DGLUCY: variants seen among roughly 807,000 people sequenced by gnomAD.
The protein encoded by DGLUCY is D-glutamate cyclase, also known as D-glutamate cyclase, mitochondrial.
Under a neutral mutation model 58.5 loss-of-function variants are expected in DGLUCY, and 58 were observed. The observed-to-expected ratio is 0.99, with a 90% CI of 0.80 to 1.23. The LOEUF (loss-of-function observed/expected upper bound fraction) is 1.23. Ranked by LOEUF, DGLUCY falls within the 50% of genes most tolerant of loss-of-function variation. DGLUCY has a pLI of 0.00. For missense variants in DGLUCY, 779 were observed against 784.7 expected (o/e 0.99, Z 0.09); for synonymous variants, 325 against 314.1 (o/e 1.03, Z -0.37).
At chr14:91,208,816 T>C (rs1885188846) in intron 12 of DGLUCY, among the ~76,000 whole-genome samples, 1 of 152,190 alleles carries the variant, frequency 6.6e-6, no homozygotes, top group Non-Finnish European at 1.5e-5. Flanking sequence ...GAATTAGCAA[T>C]GTTTTGTTAT....
intron 1 of DGLUCY, among the ~76,000 whole-genome samples, chr14:91,117,646 T>TACACACACAC (rs765720920): frequency 4.7e-5 from 7 of 149,560 alleles, no homozygotes; most frequent in South Asian, 4.2e-4. Context: ...TTTGTTCACA[T>TACACACACAC]ACACACACAC....
intron 1 of DGLUCY, among the ~76,000 whole-genome samples, chr14:91,081,399 C>T (rs989376698): frequency 3.3e-5 from 5 of 152,310 alleles, no homozygotes; most frequent in African/African-American, 7.2e-5. Flanking sequence ...GATTCATAGA[C>T]GGGAACAAAC....
intron 1 of DGLUCY, among the ~76,000 whole-genome samples, chr14:91,150,024 G>T (rs1474665276): frequency 6.6e-6 from 1 of 151,944 alleles, no homozygotes; most frequent in Non-Finnish European, 1.5e-5. Flanking sequence ...TTTGAGACCA[G>T]CCTGGCCAAT....
chr14:91,143,788 A>G (rs567275186), intron 1 of DGLUCY, among the ~76,000 whole-genome samples: 2 of 152,202 alleles, frequency 1.3e-5, no homozygotes. Context: ...TGTGCTGGGT[A>G]TTTGACTAAC....
chr14:91,222,320 C>T (rs930548680), intron 13 of DGLUCY, among the ~76,000 whole-genome samples: 6 of 152,208 alleles, frequency 3.9e-5, no homozygotes, highest in Non-Finnish European at 7.3e-5. Flanking sequence ...CTGAGGACCC[C>T]ACAGCCCTTC....
At position 91,189,125 on chromosome 14, in the gene DGLUCY, G is replaced by A. The variant is rs34196107; in HGVS notation, c.1150G>A (p.Ala384Thr). The change falls in exon 9 of 14, where the codon GCC becomes ACC. Residue 384 changes from alanine (A) to threonine (T), a missense_variant. Ala to Thr is a moderately conservative substitution (Grantham distance 58). Coordinates refer to ENST00000256324, the MANE Select transcript of DGLUCY (RefSeq NM_001102368.3). ...KEVAIIVDQR[A>T]WNLHQKIVED... ...GGTCGCCATAATCGTTGACCAGAGAGCCTGGAACTTGCACCAGAAGATTGT... is the reference window on the plus strand; with the variant it reads ...GGTCGCCATAATCGTTGACCAGAGAACCTGGAACTTGCACCAGAAGATTGT... The A allele has an allele frequency of 1.6e-4, 254 of 1,614,066 alleles. 2 individuals are homozygous for A. Among genetic ancestry groups the A allele is most frequent in the Middle Eastern group, 4.9e-4 (3 of 6,084 alleles).
intron 8 of DGLUCY, among the ~76,000 whole-genome samples, chr14:91,185,189 G>A (rs953645105): frequency 3.3e-5 from 5 of 150,070 alleles, no homozygotes; most frequent in African/African-American, 4.9e-5. Flanking sequence ...GGCTTGTCTC[G>A]AACTCCTGGC....
At chr14:91,096,259 C>G (rs562606850) in intron 1 of DGLUCY, among the ~76,000 whole-genome samples, 2 of 152,212 alleles carry the variant, frequency 1.3e-5, no homozygotes, top group African/African-American at 4.8e-5. Flanking sequence ...ACTAAAAATA[C>G]AAAAATTAGC....
chr14:91,188,161 C>G (rs1047738670), intron 8 of DGLUCY, among the ~76,000 whole-genome samples: 1 of 152,176 alleles, frequency 6.6e-6, no homozygotes, highest in African/African-American at 2.4e-5. Context: ...CTGCTCCACT[C>G]AGTCACTCAG....
At chr14:91,060,464 G>C in exon 1 of DGLUCY, 1 of 1,399,118 alleles carries the variant, frequency 7.1e-7, no homozygotes, top group Non-Finnish European at 9.4e-7. Context: ...CCCGCGGGTC[G>C]CTACGAGGGG....
intron 12 of DGLUCY, among the ~76,000 whole-genome samples, chr14:91,208,249 C>G (rs1885083582): frequency 2.0e-5 from 3 of 152,178 alleles, no homozygotes; most frequent in Non-Finnish European, 2.9e-5. Context: ...AAAATTATAT[C>G]TGTCAGAGAC....
At chr14:91,177,151 G>A (rs866497472) in intron 7 of DGLUCY, among the ~76,000 whole-genome samples, 7 of 151,904 alleles carry the variant, frequency 4.6e-5, no homozygotes, top group Non-Finnish European at 8.8e-5. Context: ...GGCATACGCC[G>A]CCATACCAAA....
intron 1 of DGLUCY, among the ~76,000 whole-genome samples, chr14:91,136,975 A>G (rs553755346): frequency 6.6e-6 from 1 of 152,100 alleles, no homozygotes; most frequent in South Asian, 2.1e-4. Context: ...GTCTCAAAAA[A>G]AAAAAATGCA....
intron 7 of DGLUCY, among the ~76,000 whole-genome samples, chr14:91,178,233 A>T (rs1421267059): frequency 6.6e-6 from 1 of 151,852 alleles, no homozygotes; most frequent in Admixed American, 6.6e-5. Flanking sequence ...TGGCACGATC[A>T]CAGCTCACTG....
intron 1 of DGLUCY, among the ~76,000 whole-genome samples, chr14:91,061,270 C>G (rs933709625): frequency 2.6e-5 from 4 of 152,158 alleles, no homozygotes; most frequent in African/African-American, 9.7e-5. Flanking sequence ...AGTGTTTGTT[C>G]TTAAATAACA....
intron 7 of DGLUCY, among the ~76,000 whole-genome samples, chr14:91,179,535 T>C (rs1317550214): frequency 6.6e-6 from 1 of 152,152 alleles, no homozygotes; most frequent in Admixed American, 6.6e-5. Context: ...GAGGATCACC[T>C]GAGGTCAGGA....
intron 1 of DGLUCY, among the ~76,000 whole-genome samples, chr14:91,101,067 T>C (rs2044478375): frequency 6.6e-6 from 1 of 150,982 alleles, no homozygotes; most frequent in South Asian, 2.1e-4. Flanking sequence ...CGAGACTCCA[T>C]CTCCAAAAAA....
Position 91,224,957 on chromosome 14 carries a change from G to A in DGLUCY, c.*124G>A, listed in dbSNP as rs1033394733. ...GGTCTTCGGTGAGCAACGAACACTC[G>A]CCTGGCCTGGGAAACTGCATGCCCA... is the stretch of plus-strand genomic sequence containing the variant. On this transcript the variant is annotated 3_prime_UTR_variant, in exon 14 of 14. Transcript: ENST00000256324. 5.3e-5 allele frequency: 62 copies of A among 1,168,574 alleles called. No individual in the cohort carries two copies. In the African/African-American group the frequency reaches 8.6e-4, roughly 16 times the overall value. The allele number at this position is 1,168,574 out of a possible 1,614,324, so 72.4% of individuals were successfully genotyped here. A position where few individuals can be genotyped will look rare whatever the true frequency, so the allele number is the denominator to read the frequency against.
At chr14:91,207,161 G>GAAAAAA (rs56355078) in intron 12 of DGLUCY, among the ~76,000 whole-genome samples, 8,713 of 85,016 alleles carry the variant, frequency 0.1, 803 homozygotes, top group South Asian at 0.16. Flanking sequence ...ACTGTCTCAG[G>GAAAAAA]AAAAAAAAAA....
Sources: gnomAD v4.1 joint callset for allele counts (sites outside exome capture counted in the v4.1 genomes callset) on GRCh38, gnomAD v4.1.1 for gene constraint, MANE v1.5 for transcripts, NCBI Gene and HGNC (gene_info 2026-07-23, HGNC 2026-07-21) for gene names.